Variants in ZCWPW2 observed in about 807,000 individuals in gnomAD.
The protein encoded by ZCWPW2 is zinc finger CW-type PWWP domain protein 2.
A neutral mutation model predicts 46.6 loss-of-function variants in ZCWPW2; 45 were observed. That is an observed-to-expected ratio of 0.96 (90% CI 0.76 to 1.24). The LOEUF (loss-of-function observed/expected upper bound fraction) is 1.24, where lower values mean the gene tolerates loss of function less well. Ranked by LOEUF, ZCWPW2 falls within the 50% of genes most tolerant of loss-of-function variation. The pLI is 0.00. For synonymous variants in ZCWPW2, 152 were observed against 137.1 expected (o/e 1.11, Z -0.76); for missense variants, 429 against 403.9 (o/e 1.06, Z -0.53).
chr3:28,354,182 G>A (rs936082197), intron 1 of ZCWPW2, among the ~76,000 whole-genome samples: 2 of 151,802 alleles, frequency 1.3e-5, no homozygotes, highest in African/African-American at 4.8e-5. Flanking sequence ...TATCACCACC[G>A]ATCCCACAGA....
chr3:28,361,183 C>A (rs940579898), intron 1 of ZCWPW2, among the ~76,000 whole-genome samples: 1 of 152,128 alleles, frequency 6.6e-6, no homozygotes, highest in African/African-American at 2.4e-5. Context: ...GACAGACACA[C>A]AGACCAATGG....
At chr3:28,518,205 CTT>C (rs71091004) in intron 8 of ZCWPW2, among the ~76,000 whole-genome samples, 55 of 129,830 alleles carry the variant, frequency 4.2e-4, no homozygotes, top group Middle Eastern at 7.6e-3. Flanking sequence ...TCTTTCATTT[CTT>C]TTTTTTTTTT....
chr3:28,427,391 A>G lies in ZCWPW2; in HGVS notation c.333-7719A>G, dbSNP rs554050855. Among the ~76,000 whole-genome samples, 11 of 152,212 alleles carry G rather than the reference A, an allele frequency of 7.2e-5. No individual in the cohort carries two copies. The South Asian group carries it at 1.9e-3, about 26-fold the overall frequency. On this transcript the variant is annotated intron_variant, in intron 3 of 9. Coordinates refer to ENST00000383768, the MANE Select transcript of ZCWPW2 (RefSeq NM_001040432.4). ...AGAAGTAATCATGTTTTCTACATCT[A>G]TTGTCTCTGCTCAGCTTTTCCTTTA...
chr3:28,386,068 T>C (rs1432878851), intron 1 of ZCWPW2, among the ~76,000 whole-genome samples: 1 of 152,172 alleles, frequency 6.6e-6, no homozygotes, highest in African/African-American at 2.4e-5. Context: ...TTGATTGTTA[T>C]AAACTGAATG....
chr3:28,468,959 T>C (rs1281397532), intron 4 of ZCWPW2, among the ~76,000 whole-genome samples: 3 of 152,140 alleles, frequency 2.0e-5, no homozygotes, highest in Non-Finnish European at 4.4e-5. Context: ...TAAACTGCTC[T>C]TCAGTGGAAA....
intron 4 of ZCWPW2, among the ~76,000 whole-genome samples, chr3:28,458,953 A>G (rs1698524989): frequency 6.6e-6 from 1 of 152,082 alleles, no homozygotes. Context: ...ATTAATACAA[A>G]TGTTGTTATC....
At chr3:28,423,560 GT>G (rs1696884309) in intron 3 of ZCWPW2, among the ~76,000 whole-genome samples, 1 of 151,518 alleles carries the variant, frequency 6.6e-6, no homozygotes, top group Non-Finnish European at 1.5e-5. Context: ...TAGAGATGGG[GT>G]TTCACCATGT....
intron 4 of ZCWPW2, chr3:28,448,080 A>G: frequency 4.0e-6 from 1 of 252,718 alleles, no homozygotes. Flanking sequence ...CTAAATAAAA[A>G]ATGAAGCTTT....
At chr3:28,475,821 C>G (rs1699218928) in intron 4 of ZCWPW2, among the ~76,000 whole-genome samples, 1 of 152,062 alleles carries the variant, frequency 6.6e-6, no homozygotes, top group Non-Finnish European at 1.5e-5. Flanking sequence ...ATGAGAGTTA[C>G]CTTGACCACT....
chr3:28,458,204 A>C (rs952980083), intron 4 of ZCWPW2, among the ~76,000 whole-genome samples: 2 of 152,308 alleles, frequency 1.3e-5, no homozygotes, highest in South Asian at 4.1e-4. Context: ...CTTACTCTCT[A>C]TGTAAACTTA....
intron 5 of ZCWPW2, among the ~76,000 whole-genome samples, chr3:28,483,542 G>A (rs929865683): frequency 6.6e-6 from 1 of 152,072 alleles, no homozygotes; most frequent in Non-Finnish European, 1.5e-5. Context: ...CATTTTTATT[G>A]GGATTATATT....
intron 1 of ZCWPW2, among the ~76,000 whole-genome samples, chr3:28,360,472 G>A (rs538326054): frequency 2.8e-4 from 42 of 149,786 alleles, no homozygotes; most frequent in African/African-American, 9.6e-4. Flanking sequence ...GCAGTGAGTC[G>A]AGATTGCACC....
chr3:28,420,584 G>GTT (rs111363546), intron 3 of ZCWPW2, among the ~76,000 whole-genome samples: 1 of 138,834 alleles, frequency 7.2e-6, no homozygotes, highest in African/African-American at 2.6e-5. Context: ...ACTTTATGTT[G>GTT]TTTTTTTTTT....
At chr3:28,392,225 C>A (rs1272165275) in intron 2 of ZCWPW2, among the ~76,000 whole-genome samples, 1 of 152,066 alleles carries the variant, frequency 6.6e-6, no homozygotes, top group Non-Finnish European at 1.5e-5. Context: ...GAAACAAGGT[C>A]ATTATATAAT....
chr3:28,445,245 G>A (rs1697942948), intron 4 of ZCWPW2, among the ~76,000 whole-genome samples: 1 of 151,580 alleles, frequency 6.6e-6, no homozygotes, highest in Non-Finnish European at 1.5e-5. Context: ...GTTACAGAGT[G>A]AGGCCCTAAC....
At chr3:28,444,609 G>A (rs917948933) in intron 4 of ZCWPW2, among the ~76,000 whole-genome samples, 24 of 152,140 alleles carry the variant, frequency 1.6e-4, no homozygotes, top group Non-Finnish European at 5.9e-5. Flanking sequence ...GGCTGTGCAT[G>A]CACCTTTCTT....
At chr3:28,440,690 C>T (rs367913253) in intron 4 of ZCWPW2, among the ~76,000 whole-genome samples, 10 of 152,184 alleles carry the variant, frequency 6.6e-5, no homozygotes, top group East Asian at 5.8e-4. Context: ...CCCACTGCCA[C>T]GCTTCTTTAG....
intron 4 of ZCWPW2, among the ~76,000 whole-genome samples, chr3:28,444,813 G>C (rs995652505): frequency 2.6e-5 from 4 of 152,132 alleles, no homozygotes; most frequent in Admixed American, 2.0e-4. Context: ...GGACCAACCA[G>C]CTTCATTATA....
At position 28,372,395 on chromosome 3, in the gene ZCWPW2, T is replaced by C. The variant is rs553372824; in HGVS notation, c.-133-18103T>C. ...AGGAAAATAAGCAAATCATGAAATG[T>C]TAACAGCCCAAATATCTAAAGATTG... On this transcript the variant is annotated intron_variant, in intron 1 of 9. Transcript: ENST00000383768. Among the ~76,000 whole-genome samples, 4 of 152,266 alleles carry C rather than the reference T, an allele frequency of 2.6e-5. No homozygotes were observed. The East Asian group carries it at 5.8e-4, about 22-fold the overall frequency.
Sources: gnomAD v4.1 joint callset for allele counts (sites outside exome capture counted in the v4.1 genomes callset) on GRCh38, gnomAD v4.1.1 for gene constraint, MANE v1.5 for transcripts, NCBI Gene and HGNC (gene_info 2026-07-23, HGNC 2026-07-21) for gene names.